Variants in ODAD1 observed in about 807,000 individuals in gnomAD.
ODAD1 encodes outer dynein arm-docking complex subunit 1.
Under a neutral mutation model 67.2 loss-of-function variants are expected in ODAD1, and 49 were observed. The observed-to-expected ratio is 0.73, with a 90% CI of 0.58 to 0.92. The LOEUF (loss-of-function observed/expected upper bound fraction) is 0.92, where lower values mean the gene tolerates loss of function less well. Ranked by LOEUF, ODAD1 falls within the 40% of genes least tolerant of loss-of-function variation. The probability of loss-of-function intolerance (pLI) is 0.00; values close to 1 mark genes in which losing one functional copy is unlikely to be tolerated. For synonymous variants in ODAD1, 345 were observed against 393.7 expected, an observed-to-expected ratio of 0.88 and a Z score of 1.46; for missense variants, 897 against 953.7, an observed-to-expected ratio of 0.94 and a Z score of 0.78.
At chr19:48,304,861 C>T (rs1452662423) in intron 8 of ODAD1, among the ~76,000 whole-genome samples, 2 of 151,074 alleles carry the variant, frequency 1.3e-5, no homozygotes, top group Non-Finnish European at 2.9e-5. Context: ...GACTAAAAAG[C>T]GAGGATTCCT....
At chr19:48,315,170 G>T (rs1377706734) in intron 5 of ODAD1, among the ~76,000 whole-genome samples, 1 of 151,652 alleles carries the variant, frequency 6.6e-6, no homozygotes, top group Non-Finnish European at 1.5e-5. Context: ...CCACCTCCCA[G>T]GCCAGGCTCA....
intron 7 of ODAD1, among the ~76,000 whole-genome samples, chr19:48,309,085 C>A (rs1968692467): frequency 1.3e-5 from 2 of 152,272 alleles, no homozygotes; most frequent in Admixed American, 6.5e-5. Context: ...ACCACCGCAC[C>A]CCCCTCCCCA....
At position 48,312,018 on chromosome 19, in the gene ODAD1, C is replaced by A. The variant is rs1968776314; in HGVS notation, c.459G>T (p.Arg153Ser). ...DQKVKIRRRIRILENQLDRVT... is the reference protein window; with the variant it reads ...DQKVKIRRRISILENQLDRVT... Reference sequence around the variant, plus strand: ...CCCTGTCCAACTGGTTTTCTAGGATCCTGATCCTTCGCCTGATCTTGACCT... The same window carrying A: ...CCCTGTCCAACTGGTTTTCTAGGATACTGATCCTTCGCCTGATCTTGACCT... Residue 153 changes from arginine (R) to serine (S), a missense_variant, in exon 6 of 16, where the codon AGG becomes AGT. Arg to Ser is a moderately radical substitution (Grantham distance 110). Coordinates refer to ENST00000674294, the MANE Select transcript of ODAD1 (RefSeq NM_001364171.2). The A allele has an allele frequency of 1.3e-6, 2 of 1,551,506 alleles. No individual in the cohort carries two copies. Among genetic ancestry groups the A allele is most frequent in the Non-Finnish European group, 1.7e-6 (2 of 1,146,844 alleles).
chr19:48,320,308 C>G lies in ODAD1; in HGVS notation c.61G>C (p.Glu21Gln), dbSNP rs568401321. The change falls in exon 3 of 16, where the codon GAG becomes CAG. Residue 21 changes from glutamate (E) to glutamine (Q), a missense_variant. Transcript: ENST00000674294. The stretch of plus-strand genomic sequence containing the variant: ...AGAATGAATGAATTACCCATTCCCT[C>G]CAGAAATGCCTCGCTTCCCTCCTCG... Reference protein sequence around the residue: ...RSEEGSEAFLEGMVDWELSRL... With the variant: ...RSEEGSEAFLQGMVDWELSRL... 1.6e-6 allele frequency: 2 copies of G among 1,287,622 alleles called. No homozygotes were observed. Among genetic ancestry groups the G allele is most frequent in the Non-Finnish European group, 2.0e-6 (2 of 987,138 alleles). 79.8% of individuals were successfully genotyped at this position (1,287,622 alleles called of 1,614,324 possible).
At chr19:48,304,903 G>A (rs973519296) in intron 8 of ODAD1, among the ~76,000 whole-genome samples, 2 of 152,164 alleles carry the variant, frequency 1.3e-5, no homozygotes, top group African/African-American at 4.8e-5. Context: ...TTTTCCTTTT[G>A]GAGTGATGGA....
chr19:48,321,066 G>A (rs917270084), intron 1 of ODAD1, among the ~76,000 whole-genome samples: 1 of 152,122 alleles, frequency 6.6e-6, no homozygotes, highest in Non-Finnish European at 1.5e-5. Flanking sequence ...GTGAAACCCC[G>A]TCTCTACTAA....
intron 12 of ODAD1, 141 bp from the exon 13 acceptor site, chr19:48,298,481 G>T (rs1968369393): frequency 2.5e-6 from 2 of 790,348 alleles, no homozygotes; most frequent in Admixed American, 2.6e-5. Flanking sequence ...CCCGAGCTCA[G>T]CCAGCCAGGC....
intron 7 of ODAD1, among the ~76,000 whole-genome samples, chr19:48,310,109 C>T (rs907835803): frequency 1.3e-5 from 2 of 152,164 alleles, no homozygotes; most frequent in African/African-American, 2.4e-5. Context: ...TGGTGCATGC[C>T]TGTAATCCCA....
At chr19:48,302,667 CG>C (rs779459737) in intron 12 of ODAD1, 26 bp downstream of exon 12, 2 of 1,587,510 alleles carry the variant, frequency 1.3e-6, no homozygotes, top group East Asian at 4.5e-5. Context: ...AAGCCAGGCT[CG>C]GGAGGGGGCG....
In ODAD1 at chr19:48,302,882, T is replaced by C. The variant is rs370945527; in HGVS notation, c.1072-20A>G. ...CTGCATCTGTGGGGACAGGGCTGAA[T>C]GCTGGGCCAGATGGCAGCCTCGGGA... On this transcript the variant is annotated intron_variant, in intron 11 of 15. Coordinates refer to ENST00000674294, the MANE Select transcript of ODAD1 (RefSeq NM_001364171.2). 16 of 1,606,842 alleles carry C rather than the reference T, an allele frequency of 1.0e-5. No individual in the cohort carries two copies. The highest frequency in any genetic ancestry group is 1.3e-5 in the African/African-American group (1 of 74,482).
Position 48,297,252 on chromosome 19 carries a change from A to G in ODAD1, c.1848T>C (p.Gly616=), listed in dbSNP as rs1035171065. The G allele has an allele frequency of 5.0e-6, 8 of 1,613,976 alleles. No individual in the cohort carries two copies. The African/African-American group carries it at 1.1e-4, about 22-fold the overall frequency. ...AGGTCACGTGGCCAGTGTTGGGGTCACCGTGCGTGATGTGGCTGGGCAAAT... is the reference window on the plus strand; with the variant it reads ...AGGTCACGTGGCCAGTGTTGGGGTCGCCGTGCGTGATGTGGCTGGGCAAAT... ...TGHLPSHITH[G]DPNTGHVTFG... is the part of the protein sequence containing the mutation. The change falls in exon 16 of 16, where the codon GGT becomes GGC. Residue 616 remains glycine, a synonymous_variant. Transcript: ENST00000674294.
At position 48,297,613 on chromosome 19, in the gene ODAD1, G is replaced by C; in HGVS notation, c.1558C>G (p.Leu520Val). ...SDDYPMSREE[L>V]LSQVEKLVEL... Reference sequence around the variant, plus strand: ...ACCAGCTTCTCCACTTGGCTCAGCAGCTCCTCCCTGCTCATGGGGTAGTCA... The same window carrying C: ...ACCAGCTTCTCCACTTGGCTCAGCACCTCCTCCCTGCTCATGGGGTAGTCA... Residue 520 changes from leucine (L) to valine (V), a missense_variant, in exon 15 of 16, where the codon CTG becomes GTG. Leu to Val is a conservative substitution (Grantham distance 32, BLOSUM62 1). Coordinates refer to ENST00000674294, the MANE Select transcript of ODAD1 (RefSeq NM_001364171.2). 1.3e-6 allele frequency: 2 copies of C among 1,535,710 alleles called. No individual in the cohort carries two copies. Among genetic ancestry groups the C allele is most frequent in the Non-Finnish European group, 1.7e-6 (2 of 1,144,602 alleles).
At chr19:48,317,761 C>T (rs1454952080) in intron 5 of ODAD1, among the ~76,000 whole-genome samples, 1 of 151,568 alleles carries the variant, frequency 6.6e-6, no homozygotes, top group Non-Finnish European at 1.5e-5. Context: ...TCACTGAAAC[C>T]TCTGCCCCCC....
At chr19:48,316,929 G>T (rs1382264524) in intron 5 of ODAD1, among the ~76,000 whole-genome samples, 1 of 152,156 alleles carries the variant, frequency 6.6e-6, no homozygotes, top group Admixed American at 6.5e-5. Flanking sequence ...AACCTGGGAG[G>T]TGGAGGTTGC....
intron 8 of ODAD1, 86 bp from the exon 9 acceptor site, chr19:48,304,226 G>T (rs1968548782): frequency 2.2e-6 from 3 of 1,357,786 alleles, no homozygotes; most frequent in Non-Finnish European, 3.0e-6. Context: ...TCAGCCAGAG[G>T]TTGTGGGGGG....
rs1232582531 is a variant in ODAD1 at position 48,318,461 on chromosome 19, G to C, written c.286C>G (p.Leu96Val). Reference sequence around the variant, plus strand: ...TGCACCTGGGCCCGGCCCTTCAGCAGGCGGTCCATGTTCTCCAGCCGCTGA... The same window carrying C: ...TGCACCTGGGCCCGGCCCTTCAGCACGCGGTCCATGTTCTCCAGCCGCTGA... ...DSQRLENMDRLLKGRAQVQAE... is the reference protein window; with the variant it reads ...DSQRLENMDRVLKGRAQVQAE... The change falls in exon 5 of 16, where the codon CTG becomes GTG. Residue 96 changes from leucine (L) to valine (V), a missense_variant. Coordinates refer to ENST00000674294, the MANE Select transcript of ODAD1 (RefSeq NM_001364171.2). 5 of 1,551,666 alleles carry C rather than the reference G, an allele frequency of 3.2e-6. No homozygotes were observed. In the South Asian group the frequency reaches 5.9e-5, roughly 18 times the overall value.
intron 8 of ODAD1, among the ~76,000 whole-genome samples, chr19:48,304,362 A>G (rs1294228658): frequency 6.6e-6 from 1 of 152,164 alleles, no homozygotes; most frequent in Admixed American, 6.6e-5. Context: ...ACGGTGGCTC[A>G]GGCTGTAATC....
At chr19:48,319,581 G>A (rs1369486770) in intron 3 of ODAD1, 7 of 240,278 alleles carry the variant, frequency 2.9e-5, no homozygotes, top group African/African-American at 4.7e-5. Context: ...AGGCTCTAGC[G>A]CAGTGGCACA....
chr19:48,321,346 C>A (rs971364054), intron 1 of ODAD1, among the ~76,000 whole-genome samples: 1 of 152,128 alleles, frequency 6.6e-6, no homozygotes, highest in Non-Finnish European at 1.5e-5. Flanking sequence ...AGGTGCACGG[C>A]TGTGAGGCCT....
Sources: gnomAD v4.1 joint callset for allele counts (sites outside exome capture counted in the v4.1 genomes callset) on GRCh38, gnomAD v4.1.1 for gene constraint, MANE v1.5 for transcripts, NCBI Gene and HGNC (gene_info 2026-07-23, HGNC 2026-07-21) for gene names.